PIP5K1B: variants seen among roughly 807,000 people sequenced by gnomAD.
PIP5K1B encodes the protein phosphatidylinositol-4-phosphate 5-kinase type 1 beta.
PIP5K1B carries 42 observed loss-of-function variants against 67.0 expected under a neutral mutation model. The observed-to-expected ratio is 0.63, with a 90% CI of 0.49 to 0.81. The LOEUF (loss-of-function observed/expected upper bound fraction) is 0.81. Ranked by LOEUF, PIP5K1B falls within the 30% of genes least tolerant of loss-of-function variation. The probability of loss-of-function intolerance (pLI) is 0.00; values close to 1 mark genes in which losing one functional copy is unlikely to be tolerated. For missense variants in PIP5K1B, 459 were observed against 646.3 expected (o/e 0.71, Z 3.14); for synonymous variants, 214 against 231.4 (o/e 0.92, Z 0.68).
chr9:68,888,963 A>T lies in PIP5K1B; in HGVS notation c.319-18A>T. ...ACATCAAGTATATGTTTTAATGTTT[A>T]TTCATTTACCCTTTTAGTATTCCAT... On this transcript the variant is annotated intron_variant, in intron 6 of 15. Transcript: ENST00000265382. The T allele has an allele frequency of 6.4e-7, 1 of 1,568,324 alleles. No homozygotes were observed.
intron 2 of PIP5K1B, among the ~76,000 whole-genome samples, chr9:68,753,181 CT>C (rs34880008): frequency 0.42 from 61,405 of 147,830 alleles, 13,220 homozygotes; most frequent in East Asian, 0.7. Context: ...GAATTCTAGG[CT>C]TTTTTTTTTT....
In PIP5K1B at chr9:68,705,417, C is replaced by T. The variant is rs1175769560; in HGVS notation, c.-588C>T. The T allele has an allele frequency of 3.3e-5, 5 of 151,872 alleles. No individual in the cohort carries two copies. The highest frequency in any genetic ancestry group is 9.6e-5 in the African/African-American group (4 of 41,490). 9.4% of individuals were successfully genotyped at this position (151,872 alleles called of 1,614,324 possible). A position where few individuals can be genotyped will look rare whatever the true frequency, so the allele number is the denominator to read the frequency against. On this transcript the variant is annotated 5_prime_UTR_variant, in exon 1 of 16. Transcript: ENST00000265382. ...GCTGGGCTTTGGCGGCCGCTCGCTG[C>T]TCCGTCTGGCCGGAGGACCGGCGGG...
chr9:68,995,272 A>G (rs922263013), intron 15 of PIP5K1B, among the ~76,000 whole-genome samples: 8 of 151,326 alleles, frequency 5.3e-5, no homozygotes, highest in Non-Finnish European at 1.0e-4. Context: ...TTTCCAAAGT[A>G]TCTACCGTTG....
intron 4 of PIP5K1B, among the ~76,000 whole-genome samples, chr9:68,859,129 G>A (rs759875654): frequency 6.6e-6 from 1 of 152,208 alleles, no homozygotes; most frequent in African/African-American, 2.4e-5. Context: ...ATCTCCTGGA[G>A]CCACGGTTTC....
At chr9:68,756,647 A>G (rs752716006) in intron 2 of PIP5K1B, among the ~76,000 whole-genome samples, 32 of 152,230 alleles carry the variant, frequency 2.1e-4, no homozygotes, top group Non-Finnish European at 4.1e-4. Flanking sequence ...TGTTTTCTCT[A>G]TCATTTCTTC....
chr9:68,973,968 C>T (rs1405114985), intron 14 of PIP5K1B, among the ~76,000 whole-genome samples: 5 of 152,282 alleles, frequency 3.3e-5, no homozygotes, highest in Middle Eastern at 3.4e-3. Context: ...ACCTTCACCT[C>T]CCGGGCTCAA....
At chr9:68,940,946 TG>T (rs1468241515) in intron 14 of PIP5K1B, 156 bp downstream of exon 14, 21 of 748,198 alleles carry the variant, frequency 2.8e-5, no homozygotes, top group African/African-American at 5.2e-5. Flanking sequence ...ATTTTTACTG[TG>T]GCAAAAGAAC....
chr9:68,941,910 G>A (rs2132642928), intron 14 of PIP5K1B, among the ~76,000 whole-genome samples: 1 of 152,294 alleles, frequency 6.6e-6, no homozygotes, highest in Middle Eastern at 3.4e-3. Context: ...AGATTAGGTA[G>A]GCAGGAGGTT....
intron 4 of PIP5K1B, among the ~76,000 whole-genome samples, chr9:68,857,653 G>A (rs566014517): frequency 2.6e-5 from 4 of 152,070 alleles, no homozygotes; most frequent in Admixed American, 1.3e-4. Flanking sequence ...ATCTCTTGAG[G>A]TCAGGAGTTT....
At chr9:68,751,493 T>A (rs1007103666) in intron 2 of PIP5K1B, among the ~76,000 whole-genome samples, 2 of 152,146 alleles carry the variant, frequency 1.3e-5, no homozygotes, top group Non-Finnish European at 1.5e-5. Flanking sequence ...TTCACAAAGA[T>A]TGAGATGAGA....
intron 2 of PIP5K1B, among the ~76,000 whole-genome samples, chr9:68,795,855 T>C (rs1832263220): frequency 6.6e-6 from 1 of 152,214 alleles, no homozygotes; most frequent in Admixed American, 6.5e-5. Context: ...TGTTCTATAA[T>C]TAGGATGAGA....
rs369481604 is a variant in PIP5K1B at position 68,868,013 on chromosome 9, T to C, written c.200+4046T>C. ...TATTTTTAAATATCAAGTACATAAT[T>C]TGTCCTATGAATTATTTCATTTTGG... On this transcript the variant is annotated intron_variant, in intron 5 of 15. Transcript: ENST00000265382. 8.1e-4 allele frequency among the ~76,000 whole-genome samples: 123 copies of C among 152,354 alleles called. 1 individual carries two copies. In the South Asian group the frequency reaches 0.025, roughly 31 times the overall value.
Position 68,977,656 on chromosome 9 carries a change from T to C in PIP5K1B, c.1503-13484T>C, listed in dbSNP as rs537523486. 3.9e-3 allele frequency among the ~76,000 whole-genome samples: 539 copies of C among 138,896 alleles called. 4 individuals carry two copies. Among genetic ancestry groups the C allele is most frequent in the African/African-American group, 0.015 (514 of 34,894 alleles). The allele number at this position is 138,896 out of a possible 152,430, so 91.1% of individuals were successfully genotyped here. ...TCATAATCATATAATTATTGGCTTC[T>C]TTTTTTTTTTTTTTTCGAGACGGAG... On this transcript the variant is annotated intron_variant, in intron 14 of 15. Coordinates refer to ENST00000265382, the MANE Select transcript of PIP5K1B (RefSeq NM_003558.4).
At chr9:68,931,402 T>G (rs1193418236) in intron 12 of PIP5K1B, among the ~76,000 whole-genome samples, 1 of 152,222 alleles carries the variant, frequency 6.6e-6, no homozygotes, top group African/African-American at 2.4e-5. Flanking sequence ...ATAGAAAGCT[T>G]TTTAAATATT....
intron 2 of PIP5K1B, among the ~76,000 whole-genome samples, chr9:68,807,723 C>A (rs4745281): frequency 0.97 from 148,453 of 152,314 alleles, 72,448 homozygotes; most frequent in East Asian, 1. Context: ...TATAGTGTAT[C>A]ATAAATTGTT....
At chr9:68,911,554 T>G (rs555208344) in intron 8 of PIP5K1B, among the ~76,000 whole-genome samples, 1 of 152,128 alleles carries the variant, frequency 6.6e-6, no homozygotes, top group South Asian at 2.1e-4. Flanking sequence ...GAAAAAGAAC[T>G]GCTTTGGAGT....
intron 6 of PIP5K1B, among the ~76,000 whole-genome samples, chr9:68,879,351 T>C (rs1824057581): frequency 6.6e-6 from 1 of 152,096 alleles, no homozygotes; most frequent in South Asian, 2.1e-4. Context: ...GAAGATCACT[T>C]GAGGTCAGGA....
At chr9:68,950,274 A>C (rs1827994900) in intron 14 of PIP5K1B, among the ~76,000 whole-genome samples, 1 of 152,252 alleles carries the variant, frequency 6.6e-6, no homozygotes, top group African/African-American at 2.4e-5. Context: ...TCTTTGCTTA[A>C]AGGTCAGTTT....
At chr9:68,719,856 G>T (rs1289062925) in intron 1 of PIP5K1B, among the ~76,000 whole-genome samples, 6 of 152,212 alleles carry the variant, frequency 3.9e-5, no homozygotes, top group Non-Finnish European at 7.3e-5. Context: ...AAACTTTATA[G>T]AAGGAATAGT....
Sources: allele counts gnomAD v4.1 joint callset (sites outside exome capture counted in the v4.1 genomes callset), GRCh38; gene constraint gnomAD v4.1.1; transcripts MANE v1.5; gene names NCBI Gene and HGNC (gene_info 2026-07-23, HGNC 2026-07-21).